The following LHFPL4 variants were observed in gnomAD, a reference collection of about 807,000 sequenced individuals.
The protein encoded by LHFPL4 is LHFPL tetraspan subfamily member 4 protein.
Under a neutral mutation model 20.0 loss-of-function variants are expected in LHFPL4, and 6 were observed. That is an observed-to-expected ratio of 0.30 (90% CI 0.16 to 0.59). The LOEUF (loss-of-function observed/expected upper bound fraction) is 0.59. LHFPL4 is among the 20% of genes least tolerant of loss of function. LHFPL4 has a pLI of 0.88. For missense variants in LHFPL4, 215 were observed against 331.2 expected, an observed-to-expected ratio of 0.65 and a Z score of 2.72; for synonymous variants, 129 against 143.8, an observed-to-expected ratio of 0.90 and a Z score of 0.74.
At chr3:9,502,561 GGCATGGTGGT>G (rs1484230462) in intron 3 of LHFPL4, among the ~76,000 whole-genome samples, 50 of 152,006 alleles carry the variant, frequency 3.3e-4, no homozygotes, top group Non-Finnish European at 3.1e-4. Flanking sequence ...AAATTAGCCG[GGCATGGTGGT>G]GCATGCCTGT....
intron 2 of LHFPL4, among the ~76,000 whole-genome samples, 190 bp downstream of exon 2, chr3:9,552,084 C>A (rs1442816488): frequency 1.3e-5 from 2 of 151,226 alleles, no homozygotes; most frequent in African/African-American, 4.8e-5. Flanking sequence ...AAGGCTCTGT[C>A]CCCTGCCCTA....
At chr3:9,518,883 A>G (rs1053456636) in intron 2 of LHFPL4, among the ~76,000 whole-genome samples, 5 of 150,276 alleles carry the variant, frequency 3.3e-5, no homozygotes, top group South Asian at 4.2e-4. Flanking sequence ...CCTCCCAAGT[A>G]GGTGGGATTA....
intron 2 of LHFPL4, among the ~76,000 whole-genome samples, chr3:9,507,260 A>G (rs2046225322): frequency 6.6e-6 from 1 of 152,226 alleles, no homozygotes; most frequent in African/African-American, 2.4e-5. Context: ...GGAGACTTGG[A>G]TTTTAGCTGC....
At chr3:9,537,111 C>T (rs1294191592) in intron 2 of LHFPL4, among the ~76,000 whole-genome samples, 2 of 151,934 alleles carry the variant, frequency 1.3e-5, no homozygotes, top group African/African-American at 2.4e-5. Context: ...ACCAGCTCTC[C>T]TACTTAACTC....
chr3:9,549,037 C>CA (rs2046535682), intron 2 of LHFPL4, among the ~76,000 whole-genome samples: 1 of 152,176 alleles, frequency 6.6e-6, no homozygotes, highest in Non-Finnish European at 1.5e-5. Context: ...CTGGATCTGT[C>CA]CATGCCCGAA....
chr3:9,528,988 G>A (rs908176736), intron 2 of LHFPL4, among the ~76,000 whole-genome samples: 3 of 150,968 alleles, frequency 2.0e-5, no homozygotes, highest in African/African-American at 7.3e-5. Context: ...CACGATCTTG[G>A]CTCACTGCAA....
intron 2 of LHFPL4, among the ~76,000 whole-genome samples, chr3:9,510,447 A>T (rs550656295): frequency 1.2e-4 from 18 of 151,676 alleles, no homozygotes; most frequent in African/African-American, 3.9e-4. Context: ...AAAAAAAAAA[A>T]AAAAAGGCCC....
intron 2 of LHFPL4, among the ~76,000 whole-genome samples, chr3:9,522,737 C>CT (rs2046346387): frequency 7.1e-6 from 1 of 140,074 alleles, no homozygotes; most frequent in Non-Finnish European, 1.5e-5. Context: ...GAGAGGAACT[C>CT]TGTCTCAAAA....
chr3:9,523,635 G>C (rs1038022791), intron 2 of LHFPL4, among the ~76,000 whole-genome samples: 3 of 151,840 alleles, frequency 2.0e-5, no homozygotes, highest in African/African-American at 4.8e-5. Flanking sequence ...ACCATGCCCA[G>C]CTAATTTTTG....
intron 2 of LHFPL4, among the ~76,000 whole-genome samples, chr3:9,546,010 G>C (rs894670044): frequency 1.6e-4 from 24 of 152,032 alleles, no homozygotes; most frequent in Non-Finnish European, 3.2e-4. Flanking sequence ...CAGAGACCCT[G>C]ATAATTAAGA....
Position 9,501,748 on chromosome 3 carries a change from A to AAAGTAGG in LHFPL4, c.*462_*463insCCTACTT, listed in dbSNP as rs2046176617. 6.5e-6 allele frequency: 1 copy of AAAGTAGG among 154,240 alleles called. No individual in the cohort carries two copies. Among genetic ancestry groups the AAAGTAGG allele is most frequent in the South Asian group, 2.0e-4 (1 of 4,904 alleles). The allele number at this position is 154,240 out of a possible 1,614,324, so 9.6% of individuals were successfully genotyped here. ...ACATCAGCCAAAAAAGAAAAAAAAAAAAAGTAGGAAAGAGTCCAGCCCACC... is the reference window on the plus strand; with the variant it reads ...ACATCAGCCAAAAAAGAAAAAAAAAAAAGTAGGAAAGTAGGAAAGAGTCCAGCCCACC... On this transcript the variant is annotated 3_prime_UTR_variant, in exon 4 of 4. Coordinates refer to ENST00000287585, the MANE Select transcript of LHFPL4 (RefSeq NM_198560.3).
At chr3:9,541,775 G>GA (rs1031594525) in intron 2 of LHFPL4, among the ~76,000 whole-genome samples, 147 of 146,304 alleles carry the variant, frequency 1.0e-3, no homozygotes, top group African/African-American at 3.3e-3. Flanking sequence ...TCGCCTCAAA[G>GA]AAAAAAAAAA....
At position 9,506,672 on chromosome 3, in the gene LHFPL4, C is replaced by T. The variant is rs2046220980; in HGVS notation, c.407-469G>A. Among the ~76,000 whole-genome samples the T allele has an allele frequency of 1.1e-5, 1 of 87,192 alleles. No homozygotes were observed. Among genetic ancestry groups the T allele is most frequent in the African/African-American group, 4.4e-5 (1 of 22,868 alleles). The allele number at this position is 87,192 out of a possible 152,430, so 57.2% of individuals were successfully genotyped here. On this transcript the variant is annotated intron_variant, in intron 2 of 3. Coordinates refer to ENST00000287585, the MANE Select transcript of LHFPL4 (RefSeq NM_198560.3). This position sits in a 1 kb window ranked among gnomAD's most constrained non-coding sequence, Gnocchi z 4.5. ...CTCGGCTCACTGTAACCTCCACCTCCCGGGCTCAAGCAATTCTCCTGCCTC... is the reference window on the plus strand; with the variant it reads ...CTCGGCTCACTGTAACCTCCACCTCTCGGGCTCAAGCAATTCTCCTGCCTC...
intron 2 of LHFPL4, among the ~76,000 whole-genome samples, chr3:9,518,526 C>A (rs1442597479): frequency 6.6e-6 from 1 of 152,084 alleles, no homozygotes; most frequent in African/African-American, 2.4e-5. Context: ...ACCAGTGAAC[C>A]CATCAGGGCC....
At chr3:9,504,677 T>A (rs2046203765) in intron 3 of LHFPL4, among the ~76,000 whole-genome samples, 1 of 151,806 alleles carries the variant, frequency 6.6e-6, no homozygotes, top group Non-Finnish European at 1.5e-5. Flanking sequence ...TACAAAAACT[T>A]AGCCGGGCGT....
intron 2 of LHFPL4, among the ~76,000 whole-genome samples, chr3:9,534,333 A>G (rs1460840229): frequency 2.0e-5 from 3 of 152,210 alleles, no homozygotes; most frequent in Admixed American, 6.5e-5. Flanking sequence ...TTGCAGTAGC[A>G]TTCAATAATA....
At chr3:9,525,207 G>GT (rs1351267254) in intron 2 of LHFPL4, among the ~76,000 whole-genome samples, 1 of 152,136 alleles carries the variant, frequency 6.6e-6, no homozygotes. Context: ...AATATTCACC[G>GT]TAAGAACTTG....
At position 9,501,970 on chromosome 3, in the gene LHFPL4, C is replaced by T; in HGVS notation, c.*241G>A. On this transcript the variant is annotated 3_prime_UTR_variant, in exon 4 of 4. Transcript: ENST00000287585. ...GCCCAAGGGCCTACGCAGATGCAGG[C>T]TCCCTTAGGTCAAATTGAGGGAGGA... 3.6e-6 allele frequency: 2 copies of T among 556,908 alleles called. No individual in the cohort carries two copies. The highest frequency in any genetic ancestry group is 6.5e-6 in the Non-Finnish European group (2 of 309,212). The allele number at this position is 556,908 out of a possible 1,614,324, so 34.5% of individuals were successfully genotyped here. A position where few individuals can be genotyped will look rare whatever the true frequency, so the allele number is the denominator to read the frequency against.
chr3:9,534,373 T>C (rs923542433), intron 2 of LHFPL4, among the ~76,000 whole-genome samples: 1 of 152,134 alleles, frequency 6.6e-6, no homozygotes, highest in East Asian at 1.9e-4. Flanking sequence ...ATGAGGAAGC[T>C]CCTTATGTGC....
Sources: gnomAD v4.1 joint callset for allele counts (sites outside exome capture counted in the v4.1 genomes callset) on GRCh38, gnomAD v4.1.1 for gene constraint, Gnocchi (gnomAD v3.1) non-coding constraint, MANE v1.5 for transcripts, NCBI Gene and HGNC (gene_info 2026-07-23, HGNC 2026-07-21) for gene names.